TM2D1: variants seen among roughly 807,000 people sequenced by gnomAD.
TM2D1 encodes the protein TM2 domain containing 1, also known as TM2 domain-containing protein 1.
Under a neutral mutation model 28.4 loss-of-function variants are expected in TM2D1, and 15 were observed. The ratio of observed to expected loss-of-function variants is 0.53; its 90% CI spans 0.35 to 0.81. TM2D1 has a LOEUF of 0.81. Ranked by LOEUF, TM2D1 falls within the 40% of genes least tolerant of loss-of-function variation. TM2D1 has a pLI of 0.01. For synonymous variants in TM2D1, 93 were observed against 96.2 expected (o/e 0.97, Z 0.20); for missense variants, 236 against 254.9 (o/e 0.93, Z 0.50).
intron 3 of TM2D1, among the ~76,000 whole-genome samples, chr1:61,706,065 A>C (rs149567461): frequency 6.6e-6 from 1 of 152,358 alleles, no homozygotes; most frequent in East Asian, 1.9e-4. Context: ...GCTGCACAGC[A>C]GCTGGCCTTT....
At chr1:61,723,569 C>T in intron 2 of TM2D1, 144 bp downstream of exon 2, 5 of 438,752 alleles carry the variant, frequency 1.1e-5, no homozygotes, top group South Asian at 5.1e-5. Flanking sequence ...GGTAGTTCTC[C>T]AGTTTTAAGT....
At chr1:61,713,996 C>T (rs1340754292) in intron 2 of TM2D1, among the ~76,000 whole-genome samples, 2 of 146,656 alleles carry the variant, frequency 1.4e-5, no homozygotes, top group Admixed American at 6.8e-5. Flanking sequence ...CCCGGGTTCA[C>T]GCCATTCTCC....
intron 5 of TM2D1, among the ~76,000 whole-genome samples, chr1:61,688,095 A>T (rs1296976263): frequency 4.6e-5 from 7 of 152,198 alleles, no homozygotes; most frequent in Non-Finnish European, 8.8e-5. Context: ...GACTTAAAGA[A>T]TTCTTAGTAT....
chr1:61,709,574 G>C (rs1644463273), intron 2 of TM2D1, 137 bp from the exon 3 acceptor site: 1 of 626,206 alleles, frequency 1.6e-6, no homozygotes, highest in Non-Finnish European at 2.9e-6. Flanking sequence ...TTTTAGGTGG[G>C]AAAAGTGACA....
intron 2 of TM2D1, among the ~76,000 whole-genome samples, chr1:61,720,932 A>C (rs1204925477): frequency 1.3e-5 from 2 of 152,066 alleles, no homozygotes; most frequent in Non-Finnish European, 2.9e-5. Context: ...GTTTATGAAA[A>C]TTGAACAGCC....
intron 5 of TM2D1, among the ~76,000 whole-genome samples, chr1:61,693,595 G>A (rs955593862): frequency 1.3e-5 from 2 of 152,088 alleles, no homozygotes; most frequent in African/African-American, 4.8e-5. Context: ...AGTACAGACA[G>A]GAAAATTCCA....
At chr1:61,701,463 T>C (rs1377405907) in intron 3 of TM2D1, among the ~76,000 whole-genome samples, 1 of 152,054 alleles carries the variant, frequency 6.6e-6, no homozygotes, top group African/African-American at 2.4e-5. Context: ...GCCATGCTTC[T>C]GAGGAAAGAG....
At chr1:61,683,583 A>T in intron 5 of TM2D1, 37 bp from the exon 6 acceptor site, 1 of 1,022,654 alleles carries the variant, frequency 9.8e-7, no homozygotes. Context: ...TTCATTTTAC[A>T]AAAGATATTT....
chr1:61,710,503 T>TA (rs1644471057), intron 2 of TM2D1, among the ~76,000 whole-genome samples: 1 of 126,634 alleles, frequency 7.9e-6, no homozygotes, highest in South Asian at 2.7e-4. Flanking sequence ...TATACACACA[T>TA]ACACACACAC....
intron 3 of TM2D1, among the ~76,000 whole-genome samples, chr1:61,708,331 T>C (rs561018152): frequency 3.9e-5 from 6 of 152,338 alleles, no homozygotes; most frequent in African/African-American, 1.4e-4. Flanking sequence ...ATTACAAGTG[T>C]AAGCCACCAC....
intron 2 of TM2D1, among the ~76,000 whole-genome samples, chr1:61,718,432 A>T (rs1322090274): frequency 6.6e-6 from 1 of 152,256 alleles, no homozygotes; most frequent in Non-Finnish European, 1.5e-5. Flanking sequence ...GAATAGTTGC[A>T]GGAACACTTT....
At chr1:61,694,662 T>A in intron 5 of TM2D1, 35 bp downstream of exon 5, 1 of 1,430,922 alleles carries the variant, frequency 7.0e-7, no homozygotes, top group South Asian at 1.3e-5. Flanking sequence ...ATTTTGAATG[T>A]AAAAGTAGTT....
rs77531905 is a variant in TM2D1, at chr1:61,700,781, T to C, written c.439+153A>G. On this transcript the variant is annotated intron_variant, in intron 4 of 6. Transcript: ENST00000606498. ...TACCTAAGCTGAACTGTTGGGCTAA[T>C]TGATAGCTCTATACTCACAGAAGAA... is the stretch of plus-strand genomic sequence containing the variant. Among the ~76,000 whole-genome samples, 412 of 152,314 alleles carry C rather than the reference T, an allele frequency of 2.7e-3. 4 individuals carry two copies. Among genetic ancestry groups the C allele is most frequent in the African/African-American group, 9.3e-3 (388 of 41,572 alleles).
chr1:61,723,763 A>AT lies in TM2D1; in HGVS notation c.187dup (p.Ile63AsnfsTer3). On this transcript the variant is annotated frameshift_variant, in exon 2 of 7. Transcript: ENST00000606498. LOFTEE classifies it high-confidence loss of function. Reference sequence around the variant, plus strand: ...AACTGGTTCTTGCGTAGCGTCATTTATTTTTGGATCTTTACAAATATATGT... The same window carrying AT: ...AACTGGTTCTTGCGTAGCGTCATTTATTTTTTGGATCTTTACAAATATATGT... 6.4e-7 allele frequency: 1 copy of AT among 1,550,418 alleles called. No individual in the cohort carries two copies. Among genetic ancestry groups the AT allele is most frequent in the South Asian group, 1.2e-5 (1 of 82,828 alleles).
chr1:61,719,770 C>T (rs1184214565), intron 2 of TM2D1, among the ~76,000 whole-genome samples: 1 of 152,206 alleles, frequency 6.6e-6, no homozygotes, highest in Non-Finnish European at 1.5e-5. Flanking sequence ...GCTGAGATTA[C>T]AGGCATGAGC....
rs921615047 is a variant in TM2D1 at position 61,694,858 on chromosome 1, T to C, written c.440-88A>G. On this transcript the variant is annotated intron_variant, in intron 4 of 6. Coordinates refer to ENST00000606498, the MANE Select transcript of TM2D1 (RefSeq NM_032027.3). ...CATTTTCCAATAAACCATTATTATATATATATATCACACTCTTTATATCAA... is the reference window on the plus strand; with the variant it reads ...CATTTTCCAATAAACCATTATTATACATATATATCACACTCTTTATATCAA... The C allele has an allele frequency of 1.1e-5, 7 of 666,644 alleles. No individual in the cohort carries two copies. The African/African-American group carries it at 1.1e-4, about 11-fold the overall frequency. The allele number at this position is 666,644 out of a possible 1,614,324, so 41.3% of individuals were successfully genotyped here. A position where few individuals can be genotyped will look rare whatever the true frequency, so the allele number is the denominator to read the frequency against.
chr1:61,719,996 T>C (rs1052360562), intron 2 of TM2D1, among the ~76,000 whole-genome samples: 1 of 152,226 alleles, frequency 6.6e-6, no homozygotes, highest in African/African-American at 2.4e-5. Flanking sequence ...GTTGATAATG[T>C]TGTTTCTTGA....
intron 5 of TM2D1, chr1:61,686,955 G>A: frequency 1.0e-6 from 1 of 984,686 alleles, no homozygotes; most frequent in Non-Finnish European, 1.2e-6. Flanking sequence ...CCAATACTGG[G>A]AATTTTTTTC....
At chr1:61,699,957 T>A in intron 4 of TM2D1, 1 of 500,136 alleles carries the variant, frequency 2.0e-6, no homozygotes, top group Non-Finnish European at 3.1e-6. Flanking sequence ...TTCTCTTTCA[T>A]CTTTTGTGGG....
Sources: allele counts gnomAD v4.1 joint callset (sites outside exome capture counted in the v4.1 genomes callset), GRCh38; gene constraint gnomAD v4.1.1; transcripts MANE v1.5; gene names NCBI Gene and HGNC (gene_info 2026-07-23, HGNC 2026-07-21).